The following RAI1 variants were observed in gnomAD, a reference collection of about 807,000 sequenced individuals.
RAI1 encodes the protein retinoic acid-induced protein 1.
In RAI1, 9 loss-of-function variants were observed where a neutral mutation model predicts 123.8. The ratio of observed to expected loss-of-function variants is 0.07; its 90% CI spans 0.04 to 0.13. RAI1 has a LOEUF of 0.13. Ranked by LOEUF, RAI1 falls within the 10% of genes least tolerant of loss-of-function variation. The pLI is 1.00. For missense variants in RAI1, 2,256 were observed against 2,545.8 expected (o/e 0.89, Z 2.45); for synonymous variants, 1,231 against 1,127.3 (o/e 1.09, Z -1.84).
intron 2 of RAI1, among the ~76,000 whole-genome samples, chr17:17,770,093 A>G (rs2031089512): frequency 6.6e-6 from 1 of 150,848 alleles, no homozygotes; most frequent in African/African-American, 2.4e-5. Context: ...CTGTGATGGG[A>G]GGGGCGGGAG....
intron 1 of RAI1, among the ~76,000 whole-genome samples, chr17:17,721,902 AAAG>A (rs1005433885): frequency 4.6e-5 from 7 of 152,126 alleles, no homozygotes; most frequent in African/African-American, 7.2e-5. Context: ...ATGCCAGAAA[AAAG>A]GTGCCCGAGG....
At chr17:17,768,838 G>A (rs745788728) in intron 2 of RAI1, among the ~76,000 whole-genome samples, 5 of 152,246 alleles carry the variant, frequency 3.3e-5, no homozygotes, top group Non-Finnish European at 7.3e-5. Flanking sequence ...CCGGCAGGGT[G>A]GGCAGGGCCC....
chr17:17,804,838 A>G (rs1291965211), intron 4 of RAI1, among the ~76,000 whole-genome samples: 4 of 144,106 alleles, frequency 2.8e-5, no homozygotes, highest in South Asian at 2.1e-4. Context: ...TAGTGTTTTT[A>G]TTTTTATTTA....
At chr17:17,689,555 C>T (rs909001894) in intron 1 of RAI1, among the ~76,000 whole-genome samples, 2 of 152,186 alleles carry the variant, frequency 1.3e-5, no homozygotes, top group Non-Finnish European at 2.9e-5. Flanking sequence ...ATTTATAAAT[C>T]ACGTGTAGAA....
chr17:17,727,123 G>A (rs991683628), intron 2 of RAI1, among the ~76,000 whole-genome samples: 1 of 152,220 alleles, frequency 6.6e-6, no homozygotes, highest in Non-Finnish European at 1.5e-5. Flanking sequence ...CGAAGGCTCC[G>A]ACTGCCTGCA....
intron 2 of RAI1, among the ~76,000 whole-genome samples, chr17:17,784,146 T>TG (rs955176617): frequency 6.6e-6 from 1 of 152,170 alleles, no homozygotes; most frequent in Non-Finnish European, 1.5e-5. Context: ...TGACACGCCG[T>TG]GGCGGCCTGA....
Position 17,726,766 on chromosome 17 carries a change from G to A in RAI1, c.-17+2607G>A, listed in dbSNP as rs141448122. 1.7e-3 allele frequency among the ~76,000 whole-genome samples: 261 copies of A among 152,220 alleles called. 3 individuals are homozygous for A. The highest frequency in any genetic ancestry group is 5.7e-3 in the African/African-American group (238 of 41,518). ...AAAAATAAGGTTATTGACAGTCTTA[G>A]AGGGCTCTGACAATGTTAGTATTTT... is the stretch of plus-strand genomic sequence containing the variant. On this transcript the variant is annotated intron_variant, in intron 2 of 5. Transcript: ENST00000353383.
chr17:17,751,503 G>A (rs915727249), intron 2 of RAI1, among the ~76,000 whole-genome samples: 2 of 152,224 alleles, frequency 1.3e-5, no homozygotes, highest in East Asian at 1.9e-4. Flanking sequence ...GAGAAGGAAA[G>A]GGTAGCAAAA....
In RAI1 at chr17:17,810,153, T is replaced by A; in HGVS notation, c.*172T>A. 2 of 952,674 alleles carry A rather than the reference T, an allele frequency of 2.1e-6. No homozygotes were observed. The highest frequency in any genetic ancestry group is 2.8e-5 in the East Asian group (1 of 35,282). The allele number at this position is 952,674 out of a possible 1,614,324, so 59.0% of individuals were successfully genotyped here. A position where few individuals can be genotyped will look rare whatever the true frequency, so the allele number is the denominator to read the frequency against. On this transcript the variant is annotated 3_prime_UTR_variant, in exon 6 of 6. Coordinates refer to ENST00000353383, the MANE Select transcript of RAI1 (RefSeq NM_030665.4). The surrounding 1 kb of genome is among the most constrained non-coding windows in gnomAD (Gnocchi z 4.6). ...GGATCCGGCCGCCTAGGGCTCAGAC[T>A]TGCGGCCCCGGGTTGGGAGGAAAAC...
chr17:17,689,578 GA>G (rs775250257), intron 1 of RAI1, among the ~76,000 whole-genome samples: 1 of 152,166 alleles, frequency 6.6e-6, no homozygotes, highest in African/African-American at 2.4e-5. Context: ...CCAGGGTACT[GA>G]GAAAACAGCC....
chr17:17,780,082 T>TTTTTTTTTTTTC (rs71152902), intron 2 of RAI1, among the ~76,000 whole-genome samples: 1 of 110,960 alleles, frequency 9.0e-6, no homozygotes, highest in Non-Finnish European at 1.8e-5. Flanking sequence ...GGCTTTTTTT[T>TTTTTTTTTTTTC]AAGACAAGAG....
chr17:17,783,056 A>G (rs1215153203), intron 2 of RAI1, among the ~76,000 whole-genome samples: 1 of 106,856 alleles, frequency 9.4e-6, no homozygotes, highest in African/African-American at 3.8e-5. Context: ...AATCAGGGAG[A>G]TGAATGATGG....
chr17:17,752,692 T>G (rs2030254448), intron 2 of RAI1, among the ~76,000 whole-genome samples: 1 of 152,150 alleles, frequency 6.6e-6, no homozygotes, highest in Admixed American at 6.5e-5. Flanking sequence ...CCACCTTACT[T>G]GCCACGCTGG....
chr17:17,726,678 T>C (rs8079880), intron 2 of RAI1, among the ~76,000 whole-genome samples: 12,314 of 152,222 alleles, frequency 0.081, 688 homozygotes, highest in African/African-American at 0.15. Context: ...TGTGGTTTTT[T>C]TTAAACCTTT....
At position 17,799,220 on chromosome 17, in the gene RAI1, G is replaced by A. The variant is rs1006642796; in HGVS notation, c.5565+707G>A. ...TGTGACCTGCCCTCTCTGTGCCTCC[G>A]TCCCCTCGCCCCTAACGTGGGTATG... is the stretch of plus-strand genomic sequence containing the variant. On this transcript the variant is annotated intron_variant, in intron 3 of 5. Coordinates refer to ENST00000353383, the MANE Select transcript of RAI1 (RefSeq NM_030665.4). This position sits in a 1 kb window ranked among gnomAD's most constrained non-coding sequence, Gnocchi z 4.5. 3.9e-5 allele frequency among the ~76,000 whole-genome samples: 6 copies of A among 152,176 alleles called. No individual in the cohort carries two copies. The highest frequency in any genetic ancestry group is 2.1e-4 in the South Asian group (1 of 4,828).
At position 17,685,049 on chromosome 17, in the gene RAI1, CATT is replaced by C. The variant is rs1372915415; in HGVS notation, c.-149+3257_-149+3259del. On this transcript the variant is annotated intron_variant, in intron 1 of 5. Transcript: ENST00000353383. This position sits in a 1 kb window ranked among gnomAD's most constrained non-coding sequence, Gnocchi z 4.0. ...GCCAATAAATGCTGATTGCTGCCGT[CATT>C]GTTGTATTGTTATTGCTGTTCTATC... 1.3e-5 allele frequency: 2 copies of C among 152,376 alleles called. No individual in the cohort carries two copies. The highest frequency in any genetic ancestry group is 1.5e-5 in the Non-Finnish European group (1 of 68,054). 9.4% of individuals were successfully genotyped at this position (152,376 alleles called of 1,614,324 possible).
chr17:17,692,523 G>A (rs1914875305), intron 1 of RAI1, among the ~76,000 whole-genome samples: 1 of 152,178 alleles, frequency 6.6e-6, no homozygotes, highest in Non-Finnish European at 1.5e-5. Context: ...GCAACCAAGT[G>A]GCAGAGCTAG....
intron 2 of RAI1, among the ~76,000 whole-genome samples, chr17:17,782,909 A>G (rs2031650751): frequency 6.6e-6 from 1 of 151,262 alleles, no homozygotes; most frequent in Non-Finnish European, 1.5e-5. Context: ...CGGAGGCCGT[A>G]CGCCCCGCCC....
intron 1 of RAI1, among the ~76,000 whole-genome samples, chr17:17,689,270 C>A (rs747553184): frequency 2.0e-5 from 3 of 152,118 alleles, no homozygotes; most frequent in East Asian, 1.9e-4. Context: ...GCCAATTATT[C>A]TTCTTCCATT....
Sources: gnomAD v4.1 joint callset for allele counts (sites outside exome capture counted in the v4.1 genomes callset) on GRCh38, gnomAD v4.1.1 for gene constraint, Gnocchi (gnomAD v3.1) non-coding constraint, MANE v1.5 for transcripts, NCBI Gene and HGNC (gene_info 2026-07-23, HGNC 2026-07-21) for gene names.